Variants in RFC3 observed in about 807,000 individuals in gnomAD.
The protein encoded by RFC3 is replication factor C subunit 3.
In RFC3, 41 loss-of-function variants were observed where a neutral mutation model predicts 45.1. The ratio of observed to expected loss-of-function variants is 0.91; its 90% CI spans 0.71 to 1.18. RFC3 has a LOEUF of 1.18. RFC3 is among the 50% of genes most tolerant of loss of function. The pLI is 0.00. For synonymous variants in RFC3, 149 were observed against 144.0 expected, an observed-to-expected ratio of 1.03 and a Z score of -0.25; for missense variants, 423 against 428.1, an observed-to-expected ratio of 0.99 and a Z score of 0.10.
chr13:33,923,689 C>T (rs77738506), intron 8 of RFC3, among the ~76,000 whole-genome samples: 1 of 152,050 alleles, frequency 6.6e-6, no homozygotes, highest in Non-Finnish European at 1.5e-5. Flanking sequence ...CAGGCTGATG[C>T]AATGACGAGA....
At chr13:33,833,719 A>T (rs950878049) in intron 7 of RFC3, among the ~76,000 whole-genome samples, 2 of 152,162 alleles carry the variant, frequency 1.3e-5, no homozygotes, top group African/African-American at 4.8e-5. Flanking sequence ...ACCATATGAA[A>T]TTATTTTTAT....
chr13:33,855,861 G>A (rs901714559), intron 8 of RFC3, among the ~76,000 whole-genome samples: 1 of 152,058 alleles, frequency 6.6e-6, no homozygotes, highest in Non-Finnish European at 1.5e-5. Context: ...ATAGGTGCTG[G>A]ATATTAGACC....
chr13:33,858,739 A>G (rs2082322471), intron 8 of RFC3, among the ~76,000 whole-genome samples: 1 of 152,224 alleles, frequency 6.6e-6, no homozygotes, highest in South Asian at 2.1e-4. Context: ...ATAAATATTG[A>G]GATAGACAAT....
chr13:33,903,426 T>G (rs1353895156), intron 8 of RFC3, among the ~76,000 whole-genome samples: 2 of 152,126 alleles, frequency 1.3e-5, no homozygotes, highest in African/African-American at 4.8e-5. Flanking sequence ...TAACTCGTGA[T>G]AAGTTTTGAG....
At chr13:33,920,342 G>C (rs2082760561) in intron 8 of RFC3, among the ~76,000 whole-genome samples, 1 of 151,822 alleles carries the variant, frequency 6.6e-6, no homozygotes, top group Non-Finnish European at 1.5e-5. Context: ...TTGAGTTGGG[G>C]TGGGGAGAGA....
rs995867654 is a variant in RFC3 at position 33,837,116 on chromosome 13, T to C, written c.*821T>C. On this transcript the variant is annotated 3_prime_UTR_variant, in exon 9 of 9. Transcript: ENST00000380071. Reference sequence around the variant, plus strand: ...GAAGTATAATTTATAAAATAAAATATACCCATTTTAAGGGTACAGTTTGAT... The same window carrying C: ...GAAGTATAATTTATAAAATAAAATACACCCATTTTAAGGGTACAGTTTGAT... 1.4e-5 allele frequency: 12 copies of C among 877,230 alleles called. No homozygotes were observed. Among genetic ancestry groups the C allele is most frequent in the African/African-American group, 1.8e-5 (1 of 54,892 alleles). 54.3% of individuals were successfully genotyped at this position (877,230 alleles called of 1,614,324 possible). A position where few individuals can be genotyped will look rare whatever the true frequency, so the allele number is the denominator to read the frequency against.
chr13:33,955,345 A>AT (rs751963918), intron 8 of RFC3, among the ~76,000 whole-genome samples: 25 of 152,164 alleles, frequency 1.6e-4, no homozygotes, highest in Admixed American at 3.9e-4. Context: ...ATTTGTGGGT[A>AT]TTTTTTTTCC....
Position 33,830,711 on chromosome 13 carries a change from AT to A in RFC3, c.574-5del. The A allele has an allele frequency of 6.3e-7, 1 of 1,594,760 alleles. No individual in the cohort carries two copies. On this transcript the variant is annotated splice_region_variant and splice_polypyrimidine_tract_variant and intron_variant, in intron 5 of 8. Transcript: ENST00000380071. ...TGGATTGCCCATTTTTGTTAATTTT[AT>A]TTGTAGATTTGCCACGTGTTATCTA...
chr13:33,821,729 A>G (rs538022315), intron 2 of RFC3, among the ~76,000 whole-genome samples: 14 of 152,210 alleles, frequency 9.2e-5, no homozygotes, highest in Non-Finnish European at 5.9e-5. Flanking sequence ...GCTTTCTGTG[A>G]TCTTGCCCTT....
chr13:33,928,093 A>C (rs997706845), intron 8 of RFC3, among the ~76,000 whole-genome samples: 2 of 152,082 alleles, frequency 1.3e-5, no homozygotes, highest in Non-Finnish European at 2.9e-5. Flanking sequence ...AAGTAAAATA[A>C]TTTGTTCAAA....
chr13:33,937,764 G>GA (rs1176518401), intron 8 of RFC3, among the ~76,000 whole-genome samples: 1 of 152,110 alleles, frequency 6.6e-6, no homozygotes, highest in Non-Finnish European at 1.5e-5. Context: ...TTTGCTACTT[G>GA]AAAAATGCTA....
intron 8 of RFC3, among the ~76,000 whole-genome samples, chr13:33,956,590 A>G (rs139146698): frequency 1.3e-5 from 2 of 152,320 alleles, no homozygotes; most frequent in Non-Finnish European, 2.9e-5. Context: ...TAAATGCATG[A>G]CTGTTATGTA....
chr13:33,854,637 G>T (rs1483298978), intron 8 of RFC3, among the ~76,000 whole-genome samples: 1 of 152,128 alleles, frequency 6.6e-6, no homozygotes, highest in East Asian at 1.9e-4. Flanking sequence ...ACAGGACTAA[G>T]AATGGCTGCC....
chr13:33,925,351 T>TAGTGTACTATATACATACAC (rs2082800953), intron 8 of RFC3, among the ~76,000 whole-genome samples: 1 of 45,698 alleles, frequency 2.2e-5, no homozygotes, highest in Admixed American at 2.3e-4. Context: ...TATACATACA[T>TAGTGTACTATATACATACAC]ATATAGTGTA....
In RFC3 at chr13:33,821,268, C is replaced by T. The variant is rs748707282; in HGVS notation, c.224C>T (p.Thr75Ile). ...EKLRIEHQTI[T>I]TPSKKKIEIS... ...TTGAGAATTGAACATCAGACCATCA[C>T]AGTAAGCATTTCACTTTGAGGCCCT... The change falls in exon 2 of 9, where the codon ACA becomes ATA. Residue 75 changes from threonine (T) to isoleucine (I), a missense_variant and splice_region_variant. Physicochemically the swap from Thr to Ile is moderately conservative, Grantham distance 89 (BLOSUM62 -1). Transcript: ENST00000380071. 1 of 1,613,020 alleles carries T rather than the reference C, an allele frequency of 6.2e-7. No homozygotes were observed. Among genetic ancestry groups the T allele is most frequent in the East Asian group, 2.2e-5 (1 of 44,834 alleles).
intron 8 of RFC3, among the ~76,000 whole-genome samples, chr13:33,950,634 C>T (rs1218161922): frequency 6.6e-6 from 1 of 152,210 alleles, no homozygotes; most frequent in Admixed American, 6.5e-5. Context: ...GAGGCCAACA[C>T]ACAGGTCAAC....
At chr13:33,906,812 G>A (rs1183222327) in intron 8 of RFC3, among the ~76,000 whole-genome samples, 1 of 151,982 alleles carries the variant, frequency 6.6e-6, no homozygotes, top group Non-Finnish European at 1.5e-5. Flanking sequence ...TTGTCATTCT[G>A]TTCTAAATAA....
intron 8 of RFC3, among the ~76,000 whole-genome samples, chr13:33,859,292 A>G (rs575970412): frequency 6.6e-6 from 1 of 152,354 alleles, no homozygotes; most frequent in African/African-American, 2.4e-5. Context: ...GATGCAAAAC[A>G]AGAATTTTGA....
chr13:33,905,720 G>A (rs1426538619), intron 8 of RFC3, among the ~76,000 whole-genome samples: 1 of 152,092 alleles, frequency 6.6e-6, no homozygotes, highest in East Asian at 1.9e-4. Context: ...TGGATTTCCA[G>A]TGACTATATT....
Sources: allele counts gnomAD v4.1 joint callset (sites outside exome capture counted in the v4.1 genomes callset), GRCh38; gene constraint gnomAD v4.1.1; transcripts MANE v1.5; gene names NCBI Gene and HGNC (gene_info 2026-07-23, HGNC 2026-07-21).